Variants in RINL observed in about 807,000 individuals in gnomAD.
RINL encodes Ras and Rab interactor like, also known as ras and Rab interactor-like protein.
A neutral mutation model predicts 58.1 loss-of-function variants in RINL; 39 were observed. That is an observed-to-expected ratio of 0.67 (90% CI 0.52 to 0.88). The LOEUF (loss-of-function observed/expected upper bound fraction) is 0.88. RINL is among the 40% of genes least tolerant of loss of function. The pLI is 0.00. For synonymous variants in RINL, 286 were observed against 323.1 expected (o/e 0.89, Z 1.23); for missense variants, 711 against 749.2 (o/e 0.95, Z 0.60).
Position 38,870,032 on chromosome 19 carries a change from T to C in RINL, c.1253A>G (p.His418Arg). 1 of 1,563,930 alleles carries C rather than the reference T, an allele frequency of 6.4e-7. No homozygotes were observed. The highest frequency in any genetic ancestry group is 1.4e-5 in the African/African-American group (1 of 72,998). ...SRIHERLAHL[H>R]AACAPRRKVA... is the part of the protein sequence containing the mutation. ...CTTGCGGCGCGGGGCGCAGGCAGCG[T>C]GGAGGTGCGCAAGGCGCTCGTGGAT... Residue 418 changes from histidine to arginine, a missense_variant, in exon 9 of 12, where the codon CAC becomes CGC. His to Arg is a conservative substitution (Grantham distance 29). Coordinates refer to ENST00000591812, the MANE Select transcript of RINL (RefSeq NM_001195833.2). The surrounding 1 kb of genome is among the most constrained non-coding windows in gnomAD (Gnocchi z 5.8).
chr19:38,877,763 T>C (rs1972969915), intron 1 of RINL, among the ~76,000 whole-genome samples: 1 of 152,074 alleles, frequency 6.6e-6, no homozygotes, highest in Admixed American at 6.6e-5. Flanking sequence ...GCAGGAGACC[T>C]GGATCGGGGG....
chr19:38,871,453 G>T (rs1972813031), intron 6 of RINL, 194 bp downstream of exon 6: 4 of 686,344 alleles, frequency 5.8e-6, no homozygotes, highest in Admixed American at 5.8e-5. Flanking sequence ...CCTCTCCTCT[G>T]TTAGGACCTA....
At chr19:38,872,169 G>A (rs112825970) in intron 4 of RINL, among the ~76,000 whole-genome samples, 4 of 152,106 alleles carry the variant, frequency 2.6e-5, no homozygotes, top group African/African-American at 9.7e-5. Flanking sequence ...AGCGGGGGGC[G>A]GAGGGGGAAA....
In RINL at chr19:38,870,118, AG is replaced by A; in HGVS notation, c.1166del (p.Pro389LeufsTer71). On this transcript the variant is annotated frameshift_variant, in exon 9 of 12. Coordinates refer to ENST00000591812, the MANE Select transcript of RINL (RefSeq NM_001195833.2). LOFTEE classifies it high-confidence loss of function. The surrounding 1 kb of genome is among the most constrained non-coding windows in gnomAD (Gnocchi z 5.8). ...RQTALRAGAGPPGAQGPGPEG... is the reference protein window; with the variant it reads ...RQTALRAGAGXPGAQGPGPEG... Reference sequence around the variant, plus strand: ...CCGGTCCCGGCCCCTGTGCCCCCGGAGGCCCCGCCCCCGCCCGCAGGGCTGT... The same window carrying A: ...CCGGTCCCGGCCCCTGTGCCCCCGGAGCCCCGCCCCCGCCCGCAGGGCTGT... 7.0e-7 allele frequency: 1 copy of A among 1,429,002 alleles called. No homozygotes were observed. The highest frequency in any genetic ancestry group is 9.1e-7 in the Non-Finnish European group (1 of 1,101,842). 88.5% of individuals were successfully genotyped at this position (1,429,002 alleles called of 1,614,324 possible).
At position 38,871,098 on chromosome 19, in the gene RINL, G is replaced by A. The variant is rs1600091316; in HGVS notation, c.581C>T (p.Ala194Val). The A allele has an allele frequency of 4.4e-6, 7 of 1,606,926 alleles. No homozygotes were observed. Among genetic ancestry groups the A allele is most frequent in the Middle Eastern group, 1.7e-4 (1 of 6,004 alleles). ...CTAACCTGGATCATGTCTCTGAGCA[G>A]CCTCTGGCTCTGTTTCTTGAGGGGT... ...EQTPQETEPE[A>V]AQRHDPAPRN... Residue 194 changes from alanine to valine, a missense_variant, in exon 7 of 12, where the codon GCT (alanine) becomes GTT (valine). Transcript: ENST00000591812.
chr19:38,875,016 T>G (rs1220763842), intron 3 of RINL, among the ~76,000 whole-genome samples: 1 of 150,588 alleles, frequency 6.6e-6, no homozygotes, highest in African/African-American at 2.4e-5. Flanking sequence ...GCGCCTGTAA[T>G]CCCAGCTACT....
chr19:38,870,983 T>TTCC lies in RINL; in HGVS notation c.608_610dup (p.Arg203dup), dbSNP rs759786437. ...CCAGGAGACCCCGTGAGGCGCAGGG[T>TTCC]TCCTGGGGGCTGGAAGTGAGGAGGG... On this transcript the variant is annotated inframe_insertion, in exon 8 of 12. Transcript: ENST00000591812. The surrounding 1 kb of genome is among the most constrained non-coding windows in gnomAD (Gnocchi z 5.8). 17 of 1,598,338 alleles carry TTCC rather than the reference T, an allele frequency of 1.1e-5. No homozygotes were observed. Among genetic ancestry groups the TTCC allele is most frequent in the Non-Finnish European group, 1.0e-5 (12 of 1,174,794 alleles).
Position 38,871,172 on chromosome 19 carries a change from A to T in RINL, c.507T>A (p.Ile169=). 1.9e-6 allele frequency: 3 copies of T among 1,613,978 alleles called. No individual in the cohort carries two copies. Among genetic ancestry groups the T allele is most frequent in the Non-Finnish European group, 2.5e-6 (3 of 1,179,940 alleles). The change falls in exon 7 of 12, where the codon ATT becomes ATA. Residue 169 remains isoleucine, a synonymous_variant. Coordinates refer to ENST00000591812, the MANE Select transcript of RINL (RefSeq NM_001195833.2). ...GGGTCTCCAGGTAGAGCTGGTTCAC[A>T]ATGGAAAGCACCTTCCCTGGGGTGT... is the stretch of plus-strand genomic sequence containing the variant. The part of the protein sequence containing the change: ...QQDTPGKVLS[I]VNQLYLETHR...
rs1600090536 is a variant in RINL, at chr19:38,870,744, G to T, written c.850C>A (p.Arg284Ser). The T allele has an allele frequency of 3.1e-6, 5 of 1,613,318 alleles. No homozygotes were observed. Among genetic ancestry groups the T allele is most frequent in the African/African-American group, 1.3e-5 (1 of 75,048 alleles). ...GGACCCCCAGAATCTGAGGCGATGCGCACCCGAAGGCTTCGGTACTGCCTG... is the reference window on the plus strand; with the variant it reads ...GGACCCCCAGAATCTGAGGCGATGCTCACCCGAAGGCTTCGGTACTGCCTG... Reference protein sequence around the residue: ...VARQYRSLRVRIASDSGGPHG... With the variant: ...VARQYRSLRVSIASDSGGPHG... The change falls in exon 8 of 12, where the codon CGC (arginine) becomes AGC (serine). Residue 284 changes from arginine (R) to serine (S), a missense_variant. Transcript: ENST00000591812. The surrounding 1 kb of genome is among the most constrained non-coding windows in gnomAD (Gnocchi z 5.8).
rs950381362 is a variant in RINL, at chr19:38,869,519, G to A, written c.1474+54C>T. ...CCTGCTGCGGGGGGAGGCTGTTTGG[G>A]ATCCCGGAGGTACTGGATCGCTGGG... On this transcript the variant is annotated intron_variant, in intron 10 of 11. Transcript: ENST00000591812. This position sits in a 1 kb window ranked among gnomAD's most constrained non-coding sequence, Gnocchi z 5.7. The A allele has an allele frequency of 2.5e-6, 4 of 1,600,438 alleles. No homozygotes were observed. The highest frequency in any genetic ancestry group is 2.6e-6 in the Non-Finnish European group (3 of 1,171,246).
chr19:38,874,023 G>C (rs1408605652), intron 3 of RINL, 35 bp from the exon 4 acceptor site: 1 of 1,311,670 alleles, frequency 7.6e-7, no homozygotes, highest in Non-Finnish European at 1.1e-6. Context: ...CGTGACAAAG[G>C]TGTGCGCAGA....
intron 4 of RINL, among the ~76,000 whole-genome samples, chr19:38,873,242 T>G (rs991432447): frequency 3.3e-5 from 5 of 152,098 alleles, no homozygotes; most frequent in African/African-American, 4.8e-5. Flanking sequence ...CTTAGCATGC[T>G]AAAGACACAC....
At position 38,869,233 on chromosome 19, in the gene RINL, A is replaced by T; in HGVS notation, c.1638+14T>A. On this transcript the variant is annotated intron_variant, in intron 11 of 11. Coordinates refer to ENST00000591812, the MANE Select transcript of RINL (RefSeq NM_001195833.2). This position sits in a 1 kb window ranked among gnomAD's most constrained non-coding sequence, Gnocchi z 5.7. ...CTCACCCTCCCTTCTACTTGCAGCC[A>T]GATGGGCAGTCACCTGGGCTCTGGG... The T allele has an allele frequency of 6.2e-7, 1 of 1,614,142 alleles. No homozygotes were observed. Among genetic ancestry groups the T allele is most frequent in the Non-Finnish European group, 8.5e-7 (1 of 1,180,016 alleles).
intron 4 of RINL, among the ~76,000 whole-genome samples, chr19:38,872,994 G>A (rs1972846526): frequency 1.3e-5 from 2 of 152,126 alleles, no homozygotes; most frequent in Admixed American, 6.5e-5. Flanking sequence ...CTTGAACCTG[G>A]GAGGTAGAGG....
In RINL at chr19:38,869,474, G is replaced by A. The variant is rs1827056316; in HGVS notation, c.1475-64C>T. 2 of 1,581,250 alleles carry A rather than the reference G, an allele frequency of 1.3e-6. No homozygotes were observed. Among genetic ancestry groups the A allele is most frequent in the Non-Finnish European group, 1.7e-6 (2 of 1,161,502 alleles). On this transcript the variant is annotated intron_variant, in intron 10 of 11. Transcript: ENST00000591812. The surrounding 1 kb of genome is among the most constrained non-coding windows in gnomAD (Gnocchi z 5.7). ...TTCCCTGGTCGCCCCAAATCCCCCT[G>A]CAGTTTGCCTGCCGTCCCTCCTGCT...
chr19:38,875,576 C>A (rs927729822), intron 3 of RINL, among the ~76,000 whole-genome samples: 4 of 151,502 alleles, frequency 2.6e-5, no homozygotes, highest in African/African-American at 9.7e-5. Context: ...ACTCAGGAGG[C>A]TGAGGCAGGA....
rs1972760399 is a variant in RINL, at chr19:38,869,894, C to CA, written c.1342+48dup. 1.9e-6 allele frequency: 3 copies of CA among 1,551,856 alleles called. No homozygotes were observed. The South Asian group carries it at 3.5e-5, about 18-fold the overall frequency. On this transcript the variant is annotated intron_variant, in intron 9 of 11. Coordinates refer to ENST00000591812, the MANE Select transcript of RINL (RefSeq NM_001195833.2). This position sits in a 1 kb window ranked among gnomAD's most constrained non-coding sequence, Gnocchi z 5.7. ...AGTGCTACCCTCTCCCGCCTGGCTC[C>CA]AACTCTCAAGGCTCTCCCCACCACG...
At chr19:38,871,767 C>T (rs780868455) in intron 5 of RINL, 31 bp downstream of exon 5, 1 of 1,613,128 alleles carries the variant, frequency 6.2e-7, no homozygotes, top group Admixed American at 1.7e-5. Flanking sequence ...GGGAAGGGTC[C>T]CCCTTAGTGC....
Position 38,870,247 on chromosome 19 carries a change from CT to C in RINL, c.1037del (p.Glu346GlyfsTer12). ...KKDEDPGPAL[E>X]TAVCQAVLAP... ...CCAGCACCGCCTGGCACACCGCCGT[CT>C]CCAGCGCGGGGCCTGCGGGGTGTGG... is the stretch of plus-strand genomic sequence containing the variant. On this transcript the variant is annotated frameshift_variant, in exon 9 of 12. Coordinates refer to ENST00000591812, the MANE Select transcript of RINL (RefSeq NM_001195833.2). LOFTEE classifies it high-confidence loss of function. This position sits in a 1 kb window ranked among gnomAD's most constrained non-coding sequence, Gnocchi z 5.8. 7.2e-7 allele frequency: 1 copy of C among 1,384,610 alleles called. No homozygotes were observed. 85.8% of individuals were successfully genotyped at this position (1,384,610 alleles called of 1,614,324 possible). A position where few individuals can be genotyped will look rare whatever the true frequency, so the allele number is the denominator to read the frequency against.
Sources: gnomAD v4.1 joint callset for allele counts (sites outside exome capture counted in the v4.1 genomes callset) on GRCh38, gnomAD v4.1.1 for gene constraint, Gnocchi (gnomAD v3.1) non-coding constraint, MANE v1.5 for transcripts, NCBI Gene and HGNC (gene_info 2026-07-23, HGNC 2026-07-21) for gene names.